PLPP3: variants seen among roughly 807,000 people sequenced by gnomAD.
The protein encoded by PLPP3 is phospholipid phosphatase 3, also known as PAP2 beta.
In PLPP3, 6 loss-of-function variants were observed where a neutral mutation model predicts 29.6. The observed-to-expected ratio is 0.20, with a 90% CI of 0.11 to 0.40. The LOEUF is 0.40. PLPP3 is among the 10% of genes least tolerant of loss of function. PLPP3 has a pLI of 1.00. For synonymous variants in PLPP3, 152 were observed against 159.7 expected (o/e 0.95, Z 0.36); for missense variants, 308 against 407.7 (o/e 0.76, Z 2.11).
At chr1:56,543,764 A>G (rs1489483039) in intron 1 of PLPP3, among the ~76,000 whole-genome samples, 3 of 152,212 alleles carry the variant, frequency 2.0e-5, no homozygotes, top group African/African-American at 7.2e-5. Context: ...TGAACACGCA[A>G]TATTCTGGGT....
At position 56,579,094 on chromosome 1, in the gene PLPP3, G is replaced by A. The variant is rs967921132; in HGVS notation, c.-78C>T. Reference sequence around the variant, plus strand: ...AGCCACACACCCAGGCGCCCGGGTCGCCTCCTGGCCGAGGCTGCTGCGGAT... The same window carrying A: ...AGCCACACACCCAGGCGCCCGGGTCACCTCCTGGCCGAGGCTGCTGCGGAT... On this transcript the variant is annotated 5_prime_UTR_variant, in exon 1 of 6. Coordinates refer to ENST00000371250, the MANE Select transcript of PLPP3 (RefSeq NM_003713.5). 2.6e-6 allele frequency: 4 copies of A among 1,544,706 alleles called. No individual in the cohort carries two copies. The African/African-American group carries it at 4.3e-5, about 17-fold the overall frequency.
At chr1:56,574,115 G>A (rs1444200950) in intron 1 of PLPP3, among the ~76,000 whole-genome samples, 2 of 151,472 alleles carry the variant, frequency 1.3e-5, no homozygotes, top group Non-Finnish European at 2.9e-5. Flanking sequence ...CAGGAGAATC[G>A]CTTGAATCCG....
chr1:56,495,768 A>G lies in PLPP3; in HGVS notation c.*783T>C, dbSNP rs1645627579. 6.6e-6 allele frequency: 1 copy of G among 152,668 alleles called. No individual in the cohort carries two copies. Among genetic ancestry groups the G allele is most frequent in the African/African-American group, 2.4e-5 (1 of 41,462 alleles). The allele number at this position is 152,668 out of a possible 1,614,324, so 9.5% of individuals were successfully genotyped here. On this transcript the variant is annotated 3_prime_UTR_variant, in exon 6 of 6. Coordinates refer to ENST00000371250, the MANE Select transcript of PLPP3 (RefSeq NM_003713.5). ...CCGAAGTCGAACTGTTTCTAAGAGT[A>G]TGCAAGTGCCCGGTGATTGACGTGC...
In PLPP3 at chr1:56,524,242, G is replaced by A. The variant is rs1460222439; in HGVS notation, c.575+35C>T. On this transcript the variant is annotated intron_variant, in intron 3 of 5. Coordinates refer to ENST00000371250, the MANE Select transcript of PLPP3 (RefSeq NM_003713.5). This position sits in a 1 kb window ranked among gnomAD's most constrained non-coding sequence, Gnocchi z 4.3. ...CACTGAACTGCACTGTATGAAAGGGGTCCAGGCTCTGGCCATGCGGAGGTG... is the reference window on the plus strand; with the variant it reads ...CACTGAACTGCACTGTATGAAAGGGATCCAGGCTCTGGCCATGCGGAGGTG... 1.2e-6 allele frequency: 2 copies of A among 1,610,264 alleles called. No homozygotes were observed. Among genetic ancestry groups the A allele is most frequent in the Non-Finnish European group, 1.7e-6 (2 of 1,178,506 alleles).
chr1:56,578,553 A>C (rs1646253172), intron 1 of PLPP3, among the ~76,000 whole-genome samples: 1 of 152,142 alleles, frequency 6.6e-6, no homozygotes, highest in Admixed American at 6.5e-5. Context: ...AACTTCCCCT[A>C]CGCTAAAAGG....
chr1:56,557,022 GA>G (rs1646084880), intron 1 of PLPP3, among the ~76,000 whole-genome samples: 78 of 13,048 alleles, frequency 6.0e-3, no homozygotes, highest in Non-Finnish European at 8.6e-3. Context: ...GAGAGAGAGA[GA>G]GAAAGAGAGA....
chr1:56,530,662 T>C (rs1054882636), intron 2 of PLPP3, among the ~76,000 whole-genome samples: 1 of 152,230 alleles, frequency 6.6e-6, no homozygotes, highest in African/African-American at 2.4e-5. Flanking sequence ...GGTTCAGGCC[T>C]CATCTTTACC....
At chr1:56,573,643 A>G (rs1291956330) in intron 1 of PLPP3, among the ~76,000 whole-genome samples, 3 of 152,240 alleles carry the variant, frequency 2.0e-5, no homozygotes, top group Non-Finnish European at 4.4e-5. Context: ...CATACCAGAT[A>G]GGCCCCATGT....
chr1:56,530,569 C>A (rs1645880931), intron 2 of PLPP3, among the ~76,000 whole-genome samples: 1 of 152,250 alleles, frequency 6.6e-6, no homozygotes, highest in Admixed American at 6.5e-5. Flanking sequence ...ACTCCTTCCT[C>A]TCCCTTATCC....
intron 4 of PLPP3, among the ~76,000 whole-genome samples, chr1:56,519,386 A>G (rs561236184): frequency 2.0e-5 from 3 of 152,222 alleles, no homozygotes; most frequent in African/African-American, 4.8e-5. Flanking sequence ...GGGACAATGT[A>G]TCAGACTATT....
chr1:56,541,899 G>A (rs550089110), intron 1 of PLPP3, among the ~76,000 whole-genome samples: 4 of 150,158 alleles, frequency 2.7e-5, no homozygotes, highest in Non-Finnish European at 4.4e-5. Context: ...AACTCTGAAC[G>A]CAATAGCCTG....
chr1:56,540,161 T>C (rs1425649283), intron 1 of PLPP3, among the ~76,000 whole-genome samples: 1 of 152,166 alleles, frequency 6.6e-6, no homozygotes, highest in Non-Finnish European at 1.5e-5. Flanking sequence ...CCCTTTCTCA[T>C]CTGTTTAATG....
chr1:56,567,415 T>TTTG (rs1646168328), intron 1 of PLPP3, among the ~76,000 whole-genome samples: 1 of 130,992 alleles, frequency 7.6e-6, no homozygotes, highest in African/African-American at 2.9e-5. Context: ...TTTTTTTTTT[T>TTTG]GAGATGGAGT....
intron 5 of PLPP3, 80 bp from the exon 6 acceptor site, chr1:56,496,756 G>A: frequency 6.6e-7 from 1 of 1,512,748 alleles, no homozygotes; most frequent in Non-Finnish European, 8.9e-7. Flanking sequence ...GGTCAGAGGA[G>A]CGCAGACTTC....
At chr1:56,563,725 T>C (rs968623280) in intron 1 of PLPP3, among the ~76,000 whole-genome samples, 4 of 152,218 alleles carry the variant, frequency 2.6e-5, no homozygotes, top group Admixed American at 6.5e-5. Context: ...AGGATTGCTA[T>C]AGACATTGCT....
chr1:56,529,763 G>C (rs1645875468), intron 2 of PLPP3, among the ~76,000 whole-genome samples: 1 of 152,092 alleles, frequency 6.6e-6, no homozygotes, highest in African/African-American at 2.4e-5. Flanking sequence ...GCCTTTTTCA[G>C]AAGATCAGTG....
chr1:56,513,165 T>A (rs1348014425), intron 4 of PLPP3: 1 of 149,004 alleles, frequency 6.7e-6, no homozygotes, highest in East Asian at 2.0e-4. Context: ...CAGGGTGGAG[T>A]AGAAGAGTAA....
chr1:56,524,652 T>C lies in PLPP3; in HGVS notation c.298-98A>G, dbSNP rs1645841747. 8 of 1,344,346 alleles carry C rather than the reference T, an allele frequency of 6.0e-6. No homozygotes were observed. Among genetic ancestry groups the C allele is most frequent in the Non-Finnish European group, 8.2e-6 (8 of 976,064 alleles). 83.3% of individuals were successfully genotyped at this position (1,344,346 alleles called of 1,614,324 possible). A position where few individuals can be genotyped will look rare whatever the true frequency, so the allele number is the denominator to read the frequency against. ...CAACAACACAGGAGAATATTCAGTA[T>C]TTGCAAAGGAGTGTCCTAATTTTCT... On this transcript the variant is annotated intron_variant, in intron 2 of 5. Coordinates refer to ENST00000371250, the MANE Select transcript of PLPP3 (RefSeq NM_003713.5). This position sits in a 1 kb window ranked among gnomAD's most constrained non-coding sequence, Gnocchi z 4.3.
At chr1:56,544,183 A>G (rs1475939101) in intron 1 of PLPP3, among the ~76,000 whole-genome samples, 3 of 152,230 alleles carry the variant, frequency 2.0e-5, no homozygotes, top group Non-Finnish European at 4.4e-5. Context: ...TTTTAAAATA[A>G]TTAACATCAG....
Sources: allele counts gnomAD v4.1 joint callset (sites outside exome capture counted in the v4.1 genomes callset), GRCh38; gene constraint gnomAD v4.1.1; non-coding constraint Gnocchi (gnomAD v3.1); transcripts MANE v1.5; gene names NCBI Gene and HGNC (gene_info 2026-07-23, HGNC 2026-07-21).